GHR: variants seen among roughly 807,000 people sequenced by gnomAD.
The protein encoded by GHR is growth hormone receptor.
A neutral mutation model predicts 67.1 loss-of-function variants in GHR; 35 were observed. That is an observed-to-expected ratio of 0.52 (90% CI 0.40 to 0.69). GHR has a LOEUF of 0.69. Ranked by LOEUF, GHR falls within the 30% of genes least tolerant of loss-of-function variation. The probability of loss-of-function intolerance (pLI) is 0.00; values close to 1 mark genes in which losing one functional copy is unlikely to be tolerated. For missense variants in GHR, 792 were observed against 764.6 expected (o/e 1.04, Z -0.42); for synonymous variants, 272 against 269.1 (o/e 1.01, Z -0.10).
At chr5:42,652,434 A>T (rs1006575181) in intron 3 of GHR, among the ~76,000 whole-genome samples, 5 of 152,162 alleles carry the variant, frequency 3.3e-5, no homozygotes, top group African/African-American at 1.2e-4. Context: ...AGTGCCATTC[A>T]ATTCACACAG....
intron 1 of GHR, among the ~76,000 whole-genome samples, chr5:42,484,579 A>G (rs1008808321): frequency 6.6e-6 from 1 of 152,236 alleles, no homozygotes; most frequent in Non-Finnish European, 1.5e-5. Context: ...CAGTGTGACC[A>G]TGCTGCCCTG....
At chr5:42,555,095 A>T (rs1031297172) in intron 1 of GHR, among the ~76,000 whole-genome samples, 1 of 152,186 alleles carries the variant, frequency 6.6e-6, no homozygotes, top group Non-Finnish European at 1.5e-5. Context: ...TTTGCCATCT[A>T]TCTGGCAGCC....
intron 3 of GHR, among the ~76,000 whole-genome samples, chr5:42,682,147 T>G (rs940688404): frequency 6.6e-6 from 1 of 152,132 alleles, no homozygotes; most frequent in African/African-American, 2.4e-5. Flanking sequence ...GAAACCATCA[T>G]TCTCAGCAAA....
At chr5:42,468,585 T>G in intron 1 of GHR, 1 of 997,114 alleles carries the variant, frequency 1.0e-6, no homozygotes, top group Non-Finnish European at 1.5e-6. Flanking sequence ...GACGGCTGCG[T>G]CTCCTCTTTC....
chr5:42,695,802 T>A (rs1193674551), intron 5 of GHR, among the ~76,000 whole-genome samples: 2 of 152,202 alleles, frequency 1.3e-5, no homozygotes, highest in Non-Finnish European at 2.9e-5. Flanking sequence ...TAGCTGAAAT[T>A]AGTGCCTCAA....
chr5:42,537,934 C>T (rs892347313), intron 1 of GHR, among the ~76,000 whole-genome samples: 3 of 152,132 alleles, frequency 2.0e-5, no homozygotes, highest in Non-Finnish European at 4.4e-5. Flanking sequence ...CTTTTAACTG[C>T]TGTTGCTTCA....
intron 1 of GHR, chr5:42,547,966 A>G (rs1287394229): frequency 2.7e-6 from 1 of 368,702 alleles, no homozygotes; most frequent in African/African-American, 2.2e-5. Context: ...AGAGAAGGGA[A>G]AGGACCAGAT....
chr5:42,492,285 A>G (rs1181793685), intron 1 of GHR, among the ~76,000 whole-genome samples: 1 of 152,220 alleles, frequency 6.6e-6, no homozygotes, highest in Non-Finnish European at 1.5e-5. Flanking sequence ...ATTAGGGCTA[A>G]TACTGAGGAA....
intron 1 of GHR, among the ~76,000 whole-genome samples, chr5:42,433,732 A>ATTTTTTTT (rs35539827): frequency 1.3e-4 from 10 of 77,582 alleles, no homozygotes; most frequent in South Asian, 4.7e-4. Flanking sequence ...AAGATATGGT[A>ATTTTTTTT]TTTTTTTTTT....
At chr5:42,696,375 C>T (rs1757673988) in intron 5 of GHR, among the ~76,000 whole-genome samples, 1 of 152,170 alleles carries the variant, frequency 6.6e-6, no homozygotes, top group Admixed American at 6.5e-5. Flanking sequence ...GAATGACTGA[C>T]AGGCCTGAGG....
chr5:42,444,500 T>C lies in GHR; in HGVS notation c.-12+20545T>C, dbSNP rs1280522200. On this transcript the variant is annotated intron_variant, in intron 1 of 9. Coordinates refer to ENST00000230882, the MANE Select transcript of GHR (RefSeq NM_000163.5). ...GCAGCTTTTATTTATCTGCTTTTAA[T>C]TCCATCTCACCATTGTTAAATTTAC... Among the ~76,000 whole-genome samples, 8 of 152,334 alleles carry C rather than the reference T, an allele frequency of 5.3e-5. No individual in the cohort carries two copies. In the East Asian group the frequency reaches 1.5e-3, roughly 29 times the overall value.
intron 1 of GHR, among the ~76,000 whole-genome samples, chr5:42,460,281 T>C (rs1744433638): frequency 6.6e-6 from 1 of 152,228 alleles, no homozygotes; most frequent in African/African-American, 2.4e-5. Flanking sequence ...TAGTATTTTG[T>C]TGTGGCAGCC....
At chr5:42,569,631 T>C (rs1750161977) in intron 2 of GHR, among the ~76,000 whole-genome samples, 1 of 152,186 alleles carries the variant, frequency 6.6e-6, no homozygotes, top group Non-Finnish European at 1.5e-5. Flanking sequence ...TATTCATATG[T>C]AACATATATA....
intron 3 of GHR, among the ~76,000 whole-genome samples, chr5:42,648,345 C>T (rs75751384): frequency 6.0e-4 from 92 of 152,244 alleles, no homozygotes; most frequent in African/African-American, 2.0e-3. Context: ...ATCCCTGTCA[C>T]GTACCCAGGC....
At chr5:42,510,039 T>C (rs184182285) in intron 1 of GHR, among the ~76,000 whole-genome samples, 177 of 152,320 alleles carry the variant, frequency 1.2e-3, no homozygotes, top group African/African-American at 3.8e-3. Context: ...ATCTTATCTG[T>C]ACTGAATCGA....
At chr5:42,660,477 C>T (rs1162709324) in intron 3 of GHR, among the ~76,000 whole-genome samples, 6 of 152,210 alleles carry the variant, frequency 3.9e-5, no homozygotes, top group African/African-American at 1.2e-4. Context: ...CTGCAGCCAC[C>T]GCTGCTGGTA....
chr5:42,430,380 A>T (rs770078172), intron 1 of GHR, among the ~76,000 whole-genome samples: 15 of 152,168 alleles, frequency 9.9e-5, no homozygotes, highest in Admixed American at 2.0e-4. Context: ...ACACAAAAAC[A>T]TATATGTTGG....
At chr5:42,510,073 G>A (rs942431612) in intron 1 of GHR, among the ~76,000 whole-genome samples, 4 of 152,044 alleles carry the variant, frequency 2.6e-5, no homozygotes, top group East Asian at 1.9e-4. Context: ...TGCCTCATCC[G>A]TCAGTTATCC....
intron 1 of GHR, among the ~76,000 whole-genome samples, chr5:42,537,943 C>A (rs1748333301): frequency 1.3e-5 from 2 of 152,080 alleles, no homozygotes; most frequent in African/African-American, 4.8e-5. Context: ...GCTGTTGCTT[C>A]AAAGTTTGTT....
Sources: gnomAD v4.1 joint callset for allele counts (sites outside exome capture counted in the v4.1 genomes callset) on GRCh38, gnomAD v4.1.1 for gene constraint, MANE v1.5 for transcripts, NCBI Gene and HGNC (gene_info 2026-07-23, HGNC 2026-07-21) for gene names.